KCNQ3: variants seen among roughly 807,000 people sequenced by gnomAD.
KCNQ3 encodes potassium voltage-gated channel subfamily KQT member 3.
Under a neutral mutation model 92.5 loss-of-function variants are expected in KCNQ3, and 30 were observed. That is an observed-to-expected ratio of 0.32 (90% CI 0.24 to 0.44). The LOEUF (loss-of-function observed/expected upper bound fraction) is 0.44, where lower values mean the gene tolerates loss of function less well. KCNQ3 is among the 20% of genes least tolerant of loss of function. The pLI is 1.00. For synonymous variants in KCNQ3, 450 were observed against 468.8 expected (o/e 0.96, Z 0.52); for missense variants, 913 against 1,140.3 (o/e 0.80, Z 2.87).
At chr8:132,306,177 G>A (rs549571476) in intron 1 of KCNQ3, among the ~76,000 whole-genome samples, 8 of 152,154 alleles carry the variant, frequency 5.3e-5, no homozygotes, top group Non-Finnish European at 8.8e-5. Context: ...GAACTCAAAC[G>A]TGGGCATTTG....
chr8:132,173,611 A>C (rs1826454313), intron 6 of KCNQ3, among the ~76,000 whole-genome samples: 1 of 152,182 alleles, frequency 6.6e-6, no homozygotes, highest in Admixed American at 6.5e-5. Context: ...CCGACCCATA[A>C]TGTTGCCATG....
intron 9 of KCNQ3, among the ~76,000 whole-genome samples, chr8:132,148,195 A>AACTAGCTAG (rs1248286823): frequency 2.0e-5 from 3 of 152,192 alleles, no homozygotes; most frequent in Non-Finnish European, 2.9e-5. Context: ...GGGGGTCTGG[A>AACTAGCTAG]ACTTGACGGG....
At chr8:132,354,370 T>C (rs907903525) in intron 1 of KCNQ3, among the ~76,000 whole-genome samples, 7 of 152,192 alleles carry the variant, frequency 4.6e-5, no homozygotes, top group African/African-American at 1.4e-4. Flanking sequence ...TATCAGACAA[T>C]ACATCCATAG....
intron 1 of KCNQ3, among the ~76,000 whole-genome samples, chr8:132,191,154 T>C (rs1487616739): frequency 1.4e-5 from 2 of 140,004 alleles, no homozygotes; most frequent in African/African-American, 2.5e-5. Context: ...CTGCAGAAGA[T>C]TTTTTTTAAA....
intron 1 of KCNQ3, among the ~76,000 whole-genome samples, chr8:132,316,967 T>C (rs569988199): frequency 8.7e-4 from 132 of 152,324 alleles, no homozygotes; most frequent in Non-Finnish European, 1.6e-3. Context: ...AAAGAAACTA[T>C]GTTAATCTTT....
At chr8:132,410,556 C>T (rs1303954178) in intron 1 of KCNQ3, among the ~76,000 whole-genome samples, 1 of 152,194 alleles carries the variant, frequency 6.6e-6, no homozygotes, top group Non-Finnish European at 1.5e-5. Flanking sequence ...AAGTATGTGT[C>T]CCAGTGCCTG....
chr8:132,233,326 TA>T (rs1814701546), intron 1 of KCNQ3, among the ~76,000 whole-genome samples: 1 of 152,248 alleles, frequency 6.6e-6, no homozygotes, highest in Non-Finnish European at 1.5e-5. Flanking sequence ...TTTCTGTTTT[TA>T]TTTTCCCTTG....
chr8:132,165,800 G>A lies in KCNQ3; in HGVS notation c.1236-2306C>T, dbSNP rs147357949. 1.6e-4 allele frequency among the ~76,000 whole-genome samples: 25 copies of A among 152,324 alleles called. No individual in the cohort carries two copies. The East Asian group carries it at 4.4e-3, about 27-fold the overall frequency. On this transcript the variant is annotated intron_variant, in intron 8 of 14. Coordinates refer to ENST00000388996, the MANE Select transcript of KCNQ3 (RefSeq NM_004519.4). ...TTATCAGCTGAGCGATATTAAGCAAGCTAATTAATCTCATTGACTCTCTTA... is the reference window on the plus strand; with the variant it reads ...TTATCAGCTGAGCGATATTAAGCAAACTAATTAATCTCATTGACTCTCTTA...
intron 1 of KCNQ3, among the ~76,000 whole-genome samples, chr8:132,256,678 C>G (rs1815599617): frequency 6.6e-6 from 1 of 151,966 alleles, no homozygotes; most frequent in African/African-American, 2.4e-5. Context: ...CCAAGGAGGC[C>G]AGAAGAGTGT....
chr8:132,300,672 T>C (rs1157530668), intron 1 of KCNQ3, among the ~76,000 whole-genome samples: 2 of 152,164 alleles, frequency 1.3e-5, no homozygotes, highest in Non-Finnish European at 2.9e-5. Context: ...CTGGGCAAGT[T>C]AGCCCCACGC....
intron 1 of KCNQ3, among the ~76,000 whole-genome samples, chr8:132,377,643 G>A (rs920387174): frequency 1.3e-5 from 2 of 152,172 alleles, no homozygotes; most frequent in Non-Finnish European, 2.9e-5. Context: ...TGTCTGTCCT[G>A]TTTATGACTC....
intron 1 of KCNQ3, among the ~76,000 whole-genome samples, chr8:132,397,445 G>T (rs1438762945): frequency 6.6e-6 from 1 of 152,202 alleles, no homozygotes; most frequent in African/African-American, 2.4e-5. Context: ...AACCTCTTCT[G>T]TGATGAGGGA....
intron 1 of KCNQ3, among the ~76,000 whole-genome samples, chr8:132,298,629 C>T (rs766304073): frequency 7.9e-5 from 12 of 152,136 alleles, no homozygotes; most frequent in Admixed American, 3.3e-4. Flanking sequence ...TGTACTCGGC[C>T]GGGCACAGTG....
chr8:132,400,453 C>T (rs2673602), intron 1 of KCNQ3, among the ~76,000 whole-genome samples: 46,126 of 152,142 alleles, frequency 0.3, 8,619 homozygotes, highest in East Asian at 0.45. Context: ...CTCAACAGCA[C>T]GGCTGTGAGT....
At chr8:132,207,851 T>C (rs1813714278) in intron 1 of KCNQ3, among the ~76,000 whole-genome samples, 1 of 151,874 alleles carries the variant, frequency 6.6e-6, no homozygotes, top group Non-Finnish European at 1.5e-5. Context: ...TAGACTTTTT[T>C]CTTTTCCTTT....
intron 1 of KCNQ3, among the ~76,000 whole-genome samples, chr8:132,421,032 CA>C (rs1347166096): frequency 6.6e-6 from 1 of 152,058 alleles, no homozygotes; most frequent in African/African-American, 2.4e-5. Flanking sequence ...TGGCATATAC[CA>C]GGAGGAGTTT....
chr8:132,224,081 A>ATTTTTTTTTTT lies in KCNQ3; in HGVS notation c.387-37911_387-37901dup, dbSNP rs1164773143. ...CAGACACACACCATCATGCCAGGCT[A>ATTTTTTTTTTT]TTTTTTTTTTTTTTTTTTTTTTTTT... On this transcript the variant is annotated intron_variant, in intron 1 of 14. Transcript: ENST00000388996. Among the ~76,000 whole-genome samples the ATTTTTTTTTTT allele has an allele frequency of 3.2e-3, 125 of 39,468 alleles. 19 individuals are homozygous for ATTTTTTTTTTT. Among genetic ancestry groups the ATTTTTTTTTTT allele is most frequent in the Non-Finnish European group, 4.5e-3 (88 of 19,692 alleles). 25.9% of individuals were successfully genotyped at this position (39,468 alleles called of 152,430 possible).
chr8:132,172,184 C>T (rs1007316165), intron 7 of KCNQ3, among the ~76,000 whole-genome samples: 1 of 151,796 alleles, frequency 6.6e-6, no homozygotes, highest in Non-Finnish European at 1.5e-5. Flanking sequence ...TCAAAAAAAA[C>T]TCAAAAAACC....
At chr8:132,452,451 C>A (rs548436657) in intron 1 of KCNQ3, among the ~76,000 whole-genome samples, 1 of 152,328 alleles carries the variant, frequency 6.6e-6, no homozygotes, top group East Asian at 1.9e-4. Flanking sequence ...GAACAGTATT[C>A]CATGCACATG....
Sources: gnomAD v4.1 joint callset for allele counts (sites outside exome capture counted in the v4.1 genomes callset) on GRCh38, gnomAD v4.1.1 for gene constraint, MANE v1.5 for transcripts, NCBI Gene and HGNC (gene_info 2026-07-23, HGNC 2026-07-21) for gene names.